The following SCFD2 variants were observed in gnomAD, a reference collection of about 807,000 sequenced individuals.
The protein encoded by SCFD2 is sec1 family domain containing 2.
SCFD2 carries 54 observed loss-of-function variants against 58.9 expected under a neutral mutation model. That is an observed-to-expected ratio of 0.92 (90% confidence interval 0.74 to 1.15). The LOEUF (loss-of-function observed/expected upper bound fraction) is 1.15, where lower values mean the gene tolerates loss of function less well. SCFD2 is among the 50% of genes most tolerant of loss of function. The pLI is 0.00. For synonymous variants in SCFD2, 321 were observed against 335.9 expected (o/e 0.96, Z 0.49); for missense variants, 805 against 836.6 (o/e 0.96, Z 0.47).
At chr4:53,330,844 G>A (rs1053878712) in intron 2 of SCFD2, among the ~76,000 whole-genome samples, 1 of 151,986 alleles carries the variant, frequency 6.6e-6, no homozygotes, top group African/African-American at 2.4e-5. Flanking sequence ...CTGTATTCAG[G>A]AAACCCATCT....
intron 6 of SCFD2, among the ~76,000 whole-genome samples, chr4:52,915,455 T>C (rs1245516238): frequency 2.6e-5 from 4 of 152,240 alleles, no homozygotes; most frequent in Non-Finnish European, 5.9e-5. Flanking sequence ...AAATTGCTCA[T>C]GGCTTTGACT....
intron 4 of SCFD2, among the ~76,000 whole-genome samples, chr4:53,246,007 C>A (rs1223204721): frequency 6.6e-6 from 1 of 152,132 alleles, no homozygotes; most frequent in Non-Finnish European, 1.5e-5. Flanking sequence ...TCACAGAATT[C>A]AAAATCAGTG....
chr4:53,260,316 A>T, intron 4 of SCFD2, among the ~76,000 whole-genome samples: 1 of 152,098 alleles, frequency 6.6e-6, no homozygotes, highest in South Asian at 2.1e-4. Context: ...CAGTTCTCAG[A>T]GGGGATGCTT....
chr4:53,106,916 T>C (rs1419117439), intron 5 of SCFD2, among the ~76,000 whole-genome samples: 2 of 151,902 alleles, frequency 1.3e-5, no homozygotes, highest in East Asian at 3.9e-4. Context: ...CCCCAAGACA[T>C]GTAATCATCA....
intron 4 of SCFD2, among the ~76,000 whole-genome samples, chr4:53,214,830 T>C (rs2148986210): frequency 6.6e-6 from 1 of 152,268 alleles, no homozygotes; most frequent in South Asian, 2.1e-4. Flanking sequence ...AATTTTTGTA[T>C]AAGATGTAAG....
chr4:52,950,066 G>A (rs1321250691), intron 5 of SCFD2: 1 of 152,224 alleles, frequency 6.6e-6, no homozygotes, highest in African/African-American at 2.4e-5. Context: ...TATGAGACAA[G>A]CTGTAGATGC....
intron 4 of SCFD2, among the ~76,000 whole-genome samples, chr4:53,232,689 A>G (rs1341781859): frequency 6.6e-6 from 1 of 152,218 alleles, no homozygotes; most frequent in Non-Finnish European, 1.5e-5. Context: ...AGAAAGAAAG[A>G]GCTGAGGAAA....
intron 3 of SCFD2, among the ~76,000 whole-genome samples, chr4:53,305,967 G>A (rs561285692): frequency 3.1e-4 from 47 of 152,220 alleles, no homozygotes; most frequent in African/African-American, 8.4e-4. Flanking sequence ...TATTAATTCC[G>A]TAAACATTTC....
intron 5 of SCFD2, among the ~76,000 whole-genome samples, chr4:52,928,388 C>T (rs932726539): frequency 1.3e-5 from 2 of 152,076 alleles, no homozygotes; most frequent in African/African-American, 4.8e-5. Context: ...ACAATTTCCC[C>T]TTTCATATTA....
At chr4:53,290,788 A>C (rs1422737358) in intron 3 of SCFD2, among the ~76,000 whole-genome samples, 1 of 152,122 alleles carries the variant, frequency 6.6e-6, no homozygotes, top group Non-Finnish European at 1.5e-5. Flanking sequence ...GACACTTCAG[A>C]AACTGAAGGA....
At chr4:52,913,967 A>C (rs1401073282) in intron 6 of SCFD2, among the ~76,000 whole-genome samples, 2 of 152,252 alleles carry the variant, frequency 1.3e-5, no homozygotes, top group Non-Finnish European at 2.9e-5. Flanking sequence ...GGGAATACAC[A>C]GGATGGTCTC....
chr4:52,889,433 C>T (rs1718829854), intron 7 of SCFD2, among the ~76,000 whole-genome samples: 1 of 152,208 alleles, frequency 6.6e-6, no homozygotes, highest in South Asian at 2.1e-4. Flanking sequence ...CACCTCTCAG[C>T]TCCATCACAC....
chr4:53,060,284 C>T (rs373381730), intron 5 of SCFD2, among the ~76,000 whole-genome samples: 5 of 152,038 alleles, frequency 3.3e-5, no homozygotes, highest in African/African-American at 9.7e-5. Flanking sequence ...ACTCTGATCA[C>T]GAAGGTAACT....
At chr4:53,246,996 CAA>C (rs55821656) in intron 4 of SCFD2, among the ~76,000 whole-genome samples, 2 of 94,880 alleles carry the variant, frequency 2.1e-5, no homozygotes, top group African/African-American at 8.3e-5. Flanking sequence ...AAAAAATTTA[CAA>C]AAAAAAAAAA....
chr4:52,903,597 G>A (rs567686450), intron 7 of SCFD2, among the ~76,000 whole-genome samples: 9 of 152,314 alleles, frequency 5.9e-5, no homozygotes, highest in Non-Finnish European at 1.0e-4. Flanking sequence ...GGTGCCGACC[G>A]CTGAGGATGC....
At chr4:53,095,851 C>T (rs1724609733) in intron 5 of SCFD2, among the ~76,000 whole-genome samples, 1 of 140,306 alleles carries the variant, frequency 7.1e-6, no homozygotes, top group Non-Finnish European at 1.6e-5. Context: ...GGTATATATC[C>T]TAATGCTATC....
At chr4:53,232,214 G>A (rs1178940310) in intron 4 of SCFD2, among the ~76,000 whole-genome samples, 1 of 151,944 alleles carries the variant, frequency 6.6e-6, no homozygotes, top group Admixed American at 6.6e-5. Flanking sequence ...AAACAAAACA[G>A]TTCACTTACA....
At chr4:53,235,767 G>A (rs1729583696) in intron 4 of SCFD2, among the ~76,000 whole-genome samples, 1 of 152,164 alleles carries the variant, frequency 6.6e-6, no homozygotes, top group African/African-American at 2.4e-5. Flanking sequence ...AAGAGGAAAT[G>A]AAAGTATGAG....
intron 2 of SCFD2, among the ~76,000 whole-genome samples, chr4:53,317,387 C>CTATA (rs2149115470): frequency 6.6e-6 from 1 of 152,290 alleles, no homozygotes; most frequent in Admixed American, 6.5e-5. Context: ...ACACATACAC[C>CTATA]TATATCAGCA....
Sources: gnomAD v4.1 joint callset for allele counts (sites outside exome capture counted in the v4.1 genomes callset) on GRCh38, gnomAD v4.1.1 for gene constraint, MANE v1.5 for transcripts, NCBI Gene and HGNC (gene_info 2026-07-23, HGNC 2026-07-21) for gene names.